PTH2R: variants seen among roughly 807,000 people sequenced by gnomAD.
PTH2R encodes parathyroid hormone 2 receptor.
A neutral mutation model predicts 60.3 loss-of-function variants in PTH2R; 59 were observed. The observed-to-expected ratio is 0.98, with a 90% CI of 0.79 to 1.22. PTH2R has a LOEUF of 1.22. Among genes scored for constraint, PTH2R ranks in the 50% most tolerant of loss-of-function variants. The pLI is 0.00. For missense variants in PTH2R, 749 were observed against 682.6 expected (o/e 1.10, Z -1.08); for synonymous variants, 256 against 243.8 (o/e 1.05, Z -0.47).
chr2:208,367,295 T>C (rs1053772816), intron 1 of PTH2R, among the ~76,000 whole-genome samples: 1 of 152,156 alleles, frequency 6.6e-6, no homozygotes, highest in Non-Finnish European at 1.5e-5. Flanking sequence ...GGTTTCGCCA[T>C]GTTGGCCAGG....
chr2:208,471,783 C>T (rs774595305), intron 9 of PTH2R, among the ~76,000 whole-genome samples: 1 of 152,200 alleles, frequency 6.6e-6, no homozygotes, highest in African/African-American at 2.4e-5. Context: ...GCTCCACCAA[C>T]AACTTGCACC....
chr2:208,474,488 C>G (rs1259700), intron 9 of PTH2R, among the ~76,000 whole-genome samples: 23,418 of 152,132 alleles, frequency 0.15, 3,219 homozygotes, highest in African/African-American at 0.37. Context: ...TAAAGGAAGA[C>G]TAGAAATCAC....
upstream of PTH2R, among the ~76,000 whole-genome samples, chr2:208,404,931 T>C (rs71418688): frequency 8.7e-3 from 1,320 of 152,360 alleles, 8 homozygotes; most frequent in Non-Finnish European, 0.014. Context: ...GTTTCACATC[T>C]GAGTTTGATG....
At chr2:208,396,899 A>G (rs2125885715) in intron 1 of PTH2R, among the ~76,000 whole-genome samples, 1 of 152,338 alleles carries the variant, frequency 6.6e-6, no homozygotes, top group Middle Eastern at 3.4e-3. Flanking sequence ...AAGACTCGGA[A>G]CCAACCCAAA....
chr2:208,417,770 A>G (rs935074802), intron 1 of PTH2R, among the ~76,000 whole-genome samples: 1 of 152,028 alleles, frequency 6.6e-6, no homozygotes, highest in Non-Finnish European at 1.5e-5. Context: ...AATAAGCTGG[A>G]TAAAATAAGA....
intron 1 of PTH2R, among the ~76,000 whole-genome samples, chr2:208,398,762 G>GA (rs1253158266): frequency 2.0e-5 from 3 of 152,144 alleles, no homozygotes; most frequent in African/African-American, 4.8e-5. Flanking sequence ...TCTTAAGGCA[G>GA]AAAAGAGTTG....
chr2:208,436,971 A>G (rs1172427643), intron 2 of PTH2R, among the ~76,000 whole-genome samples: 1 of 152,192 alleles, frequency 6.6e-6, no homozygotes, highest in Non-Finnish European at 1.5e-5. Context: ...GACTTGGACT[A>G]TCGTGGTGAC....
chr2:208,454,220 G>C (rs938208932), intron 8 of PTH2R, among the ~76,000 whole-genome samples: 3 of 152,098 alleles, frequency 2.0e-5, no homozygotes, highest in Non-Finnish European at 2.9e-5. Context: ...ATAGGAAAAA[G>C]TAGAAAAGCA....
At chr2:208,438,129 T>C (rs1702113282) in intron 4 of PTH2R, among the ~76,000 whole-genome samples, 1 of 67,508 alleles carries the variant, frequency 1.5e-5, no homozygotes, top group Non-Finnish European at 2.9e-5. Flanking sequence ...ATGTTTATTA[T>C]GTTAGATTAC....
intron 1 of PTH2R, among the ~76,000 whole-genome samples, chr2:208,367,790 C>T (rs1700621584): frequency 6.6e-6 from 1 of 152,176 alleles, no homozygotes. Flanking sequence ...ACTCAAGGTT[C>T]CCTTTGTTTC....
At chr2:208,491,139 A>G (rs375852389) in intron 12 of PTH2R, among the ~76,000 whole-genome samples, 2 of 152,312 alleles carry the variant, frequency 1.3e-5, no homozygotes, top group Middle Eastern at 3.4e-3. Context: ...AGATAATAAT[A>G]CATTTTACCT....
exon 1 of PTH2R, chr2:208,359,980 T>C: frequency 3.6e-6 from 1 of 280,316 alleles, no homozygotes; most frequent in Non-Finnish European, 7.2e-6. Flanking sequence ...GAGGAGCGGA[T>C]GGGGCTTGGG....
In PTH2R at chr2:208,444,899, A is replaced by G. The variant is rs758929638; in HGVS notation, c.853+12A>G. ...CTTGATAGGCTGGGGTAAGACATTT[A>G]TATCTCTGTTCCTTTCAAACTGGAT... On this transcript the variant is annotated intron_variant, in intron 7 of 12. Transcript: ENST00000272847. The G allele has an allele frequency of 8.1e-6, 13 of 1,609,704 alleles. No homozygotes were observed. Among genetic ancestry groups the G allele is most frequent in the Non-Finnish European group, 1.0e-5 (12 of 1,177,658 alleles).
intron 1 of PTH2R, among the ~76,000 whole-genome samples, chr2:208,367,695 A>G (rs1218689550): frequency 2.6e-5 from 4 of 152,080 alleles, no homozygotes; most frequent in African/African-American, 7.2e-5. Flanking sequence ...AACAGTTAAC[A>G]TGGACTTGCA....
At chr2:208,365,958 A>ATTT (rs1700582374) in intron 1 of PTH2R, among the ~76,000 whole-genome samples, 1 of 18,726 alleles carries the variant, frequency 5.3e-5, no homozygotes, top group Non-Finnish European at 8.9e-5. Flanking sequence ...ATATATATAT[A>ATTT]TATTTTTTTT....
intron 1 of PTH2R, among the ~76,000 whole-genome samples, chr2:208,369,089 C>T (rs1320375178): frequency 6.6e-6 from 1 of 152,076 alleles, no homozygotes; most frequent in Non-Finnish European, 1.5e-5. Flanking sequence ...CCCTAGTTGG[C>T]TTGACCAGCA....
intron 10 of PTH2R, among the ~76,000 whole-genome samples, chr2:208,483,841 T>G (rs540953633): frequency 7.6e-4 from 116 of 152,218 alleles, no homozygotes; most frequent in Admixed American, 1.6e-3. Context: ...GATTCTTTTT[T>G]CAGAGAAAAA....
At chr2:208,401,197 G>A (rs887589204) in intron 1 of PTH2R, among the ~76,000 whole-genome samples, 1 of 152,148 alleles carries the variant, frequency 6.6e-6, no homozygotes, top group Non-Finnish European at 1.5e-5. Flanking sequence ...TCTTCCATCT[G>A]TATGGGAACT....
intron 1 of PTH2R, among the ~76,000 whole-genome samples, chr2:208,417,338 G>A (rs1701659691): frequency 6.6e-6 from 1 of 152,070 alleles, no homozygotes; most frequent in Admixed American, 6.5e-5. Flanking sequence ...AGAAGAGAGA[G>A]AAAATTCCTA....
Sources: allele counts gnomAD v4.1 joint callset (sites outside exome capture counted in the v4.1 genomes callset), GRCh38; gene constraint gnomAD v4.1.1; transcripts MANE v1.5; gene names NCBI Gene and HGNC (gene_info 2026-07-23, HGNC 2026-07-21).